EHMT1: variants seen among roughly 807,000 people sequenced by gnomAD.
The protein encoded by EHMT1 is euchromatic histone lysine methyltransferase 1, also known as histone-lysine N-methyltransferase EHMT1.
Under a neutral mutation model 147.2 loss-of-function variants are expected in EHMT1, and 15 were observed. That is an observed-to-expected ratio of 0.10 (90% CI 0.07 to 0.16). The LOEUF is 0.16. Ranked by LOEUF, EHMT1 falls within the 10% of genes least tolerant of loss-of-function variation. The probability of loss-of-function intolerance (pLI) is 1.00; values close to 1 mark genes in which losing one functional copy is unlikely to be tolerated. For missense variants in EHMT1, 1,587 were observed against 1,772.4 expected (o/e 0.90, Z 1.88); for synonymous variants, 795 against 709.6 (o/e 1.12, Z -1.91).
chr9:137,788,625 C>T (rs1172248382), intron 15 of EHMT1: 2 of 152,350 alleles, frequency 1.3e-5, no homozygotes, highest in Non-Finnish European at 2.9e-5. Context: ...TGTCTCTTGT[C>T]CCCTCGGGGA....
chr9:137,638,445 A>G (rs1019553985), intron 1 of EHMT1: 3 of 152,126 alleles, frequency 2.0e-5, no homozygotes, highest in African/African-American at 7.2e-5. Flanking sequence ...ATGTCTCACC[A>G]TGTTGGCCGA....
intron 1 of EHMT1, among the ~76,000 whole-genome samples, chr9:137,640,005 G>A (rs1163786908): frequency 6.6e-6 from 1 of 152,122 alleles, no homozygotes; most frequent in African/African-American, 2.4e-5. Context: ...CGCGATCTTG[G>A]CTCACCGTAA....
intron 1 of EHMT1, among the ~76,000 whole-genome samples, chr9:137,635,698 T>C (rs1428407583): frequency 1.3e-5 from 2 of 150,824 alleles, no homozygotes; most frequent in East Asian, 2.1e-4. Context: ...CGGGCGCCTG[T>C]AGTTCCAGCT....
chr9:137,686,091 A>G (rs1185030458), intron 1 of EHMT1, among the ~76,000 whole-genome samples: 1 of 152,078 alleles, frequency 6.6e-6, no homozygotes, highest in African/African-American at 2.4e-5. Context: ...AGAGTTCTTT[A>G]TATTTTCCAG....
chr9:137,819,597 A>G, intron 25 of EHMT1, among the ~76,000 whole-genome samples: 1 of 120,440 alleles, frequency 8.3e-6, no homozygotes, highest in South Asian at 2.9e-4. Context: ...CCGTGTACCG[A>G]GACTGTAGAG....
intron 5 of EHMT1, 91 bp downstream of exon 5, chr9:137,743,619 G>A: frequency 6.3e-7 from 1 of 1,581,760 alleles, no homozygotes; most frequent in Non-Finnish European, 8.6e-7. Flanking sequence ...GGTGACCTCA[G>A]TCCCCGGGAA....
chr9:137,835,059 TGCGCC>T lies in EHMT1; in HGVS notation c.*109_*113del, dbSNP rs1230878368. On this transcript the variant is annotated 3_prime_UTR_variant, in exon 27 of 27. Transcript: ENST00000460843. ...CGCAACCGAAAGGGTCCTTCGGGGC[TGCGCC>T]GCCGGCTTCCTGGAGGGGTCGGAGG... The T allele has an allele frequency of 7.9e-7, 1 of 1,266,262 alleles. No individual in the cohort carries two copies. Among genetic ancestry groups the T allele is most frequent in the Non-Finnish European group, 1.0e-6 (1 of 989,318 alleles). The allele number at this position is 1,266,262 out of a possible 1,614,324, so 78.4% of individuals were successfully genotyped here.
intron 4 of EHMT1, chr9:137,742,976 G>T: frequency 6.6e-6 from 2 of 302,372 alleles, no homozygotes; most frequent in Non-Finnish European, 1.3e-5. Context: ...GTTCACGTTG[G>T]TCTGTTTTGC....
At chr9:137,710,443 A>G (rs1399370482) in intron 1 of EHMT1, among the ~76,000 whole-genome samples, 2 of 152,234 alleles carry the variant, frequency 1.3e-5, no homozygotes, top group Non-Finnish European at 2.9e-5. Flanking sequence ...ACTGTACTCC[A>G]GCCTGGGCGA....
chr9:137,736,554 C>T (rs996543196), intron 4 of EHMT1, among the ~76,000 whole-genome samples: 1 of 152,236 alleles, frequency 6.6e-6, no homozygotes, highest in African/African-American at 2.4e-5. Flanking sequence ...CTAGGATCGA[C>T]CATATGTTAG....
At position 137,762,740 on chromosome 9, in the gene EHMT1, C is replaced by T. The variant is rs562496442; in HGVS notation, c.1567C>T (p.Arg523Trp). 66 of 1,614,194 alleles carry T rather than the reference C, an allele frequency of 4.1e-5. No homozygotes were observed. The highest frequency in any genetic ancestry group is 4.9e-5 in the Non-Finnish European group (58 of 1,180,038). ...GLQEVPLCSCRMETPKSREIT... is the reference protein window; with the variant it reads ...GLQEVPLCSCWMETPKSREIT... Reference sequence around the variant, plus strand: ...CCAGGAAGTGCCTCTCTGCAGCTGCCGGATGGAAACACCGAAGAGTCGAGA... The same window carrying T: ...CCAGGAAGTGCCTCTCTGCAGCTGCTGGATGGAAACACCGAAGAGTCGAGA... Residue 523 changes from arginine (R) to tryptophan (W), a missense_variant, in exon 10 of 27, where the codon CGG becomes TGG. Arg to Trp is a moderately radical substitution (Grantham distance 101). Coordinates refer to ENST00000460843, the MANE Select transcript of EHMT1 (RefSeq NM_024757.5).
intron 25 of EHMT1, among the ~76,000 whole-genome samples, chr9:137,833,674 C>T (rs916261258): frequency 6.6e-6 from 1 of 152,228 alleles, no homozygotes. Flanking sequence ...GGGGCCAGGG[C>T]CCAGGGCCAT....
At chr9:137,816,604 C>G (rs1215593362) in intron 23 of EHMT1, 1 of 176,726 alleles carries the variant, frequency 5.7e-6, no homozygotes, top group African/African-American at 2.4e-5. Context: ...TCTCCTTTCC[C>G]TGGATTCTGG....
intron 1 of EHMT1, among the ~76,000 whole-genome samples, chr9:137,646,844 T>C (rs1039028868): frequency 3.3e-5 from 5 of 152,188 alleles, no homozygotes; most frequent in Non-Finnish European, 7.4e-5. Context: ...GTACCTTAAA[T>C]TCCAGTCCCT....
intron 1 of EHMT1, among the ~76,000 whole-genome samples, chr9:137,691,614 G>C (rs1942944090): frequency 6.6e-6 from 1 of 152,114 alleles, no homozygotes; most frequent in African/African-American, 2.4e-5. Flanking sequence ...ATATCTCTTT[G>C]AGACCCTGCT....
intron 10 of EHMT1, among the ~76,000 whole-genome samples, chr9:137,768,595 G>C (rs1357217496): frequency 8.5e-6 from 1 of 117,626 alleles, no homozygotes; most frequent in African/African-American, 3.3e-5. Context: ...TGTCGCCCAG[G>C]CTGGAGTGCA....
At chr9:137,705,604 T>C (rs1192413401) in intron 1 of EHMT1, among the ~76,000 whole-genome samples, 1 of 152,196 alleles carries the variant, frequency 6.6e-6, no homozygotes, top group African/African-American at 2.4e-5. Context: ...GGAAATGGAC[T>C]GGTCATGTGT....
At chr9:137,832,468 C>T (rs550852996) in intron 25 of EHMT1, among the ~76,000 whole-genome samples, 2 of 147,138 alleles carry the variant, frequency 1.4e-5, no homozygotes, top group Non-Finnish European at 3.0e-5. Flanking sequence ...CAGGCCCCGC[C>T]TCCCACGCGG....
chr9:137,796,703 C>CAAAAAAAAAA lies in EHMT1; in HGVS notation c.2506-2102_2506-2093dup, dbSNP rs11449759. 8.3e-3 allele frequency among the ~76,000 whole-genome samples: 707 copies of CAAAAAAAAAA among 85,536 alleles called. 24 individuals are homozygous for CAAAAAAAAAA. The highest frequency in any genetic ancestry group is 0.012 in the African/African-American group (241 of 19,296). 56.1% of individuals were successfully genotyped at this position (85,536 alleles called of 152,430 possible). A position where few individuals can be genotyped will look rare whatever the true frequency, so the allele number is the denominator to read the frequency against. The stretch of plus-strand genomic sequence containing the variant: ...TGGGCGACAGAGCCAGACTCCATCT[C>CAAAAAAAAAA]AAAAAAAAAAAAAAAAAGAAATGAA... On this transcript the variant is annotated intron_variant, in intron 16 of 26. Coordinates refer to ENST00000460843, the MANE Select transcript of EHMT1 (RefSeq NM_024757.5).
Sources: allele counts gnomAD v4.1 joint callset (sites outside exome capture counted in the v4.1 genomes callset), GRCh38; gene constraint gnomAD v4.1.1; transcripts MANE v1.5; gene names NCBI Gene and HGNC (gene_info 2026-07-23, HGNC 2026-07-21).